Variants in ADCY8 observed in about 807,000 individuals in gnomAD.
The protein encoded by ADCY8 is adenylate cyclase 8, also known as adenylate cyclase type 8.
Under a neutral mutation model 119.7 loss-of-function variants are expected in ADCY8, and 51 were observed. That is an observed-to-expected ratio of 0.43 (90% CI 0.34 to 0.54). ADCY8 has a LOEUF of 0.54. ADCY8 is among the 20% of genes least tolerant of loss of function. The pLI is 0.03. For missense variants in ADCY8, 1,383 were observed against 1,598.8 expected, an observed-to-expected ratio of 0.87 and a Z score of 2.30; for synonymous variants, 665 against 651.0, an observed-to-expected ratio of 1.02 and a Z score of -0.33.
intron 14 of ADCY8, among the ~76,000 whole-genome samples, chr8:130,803,782 TGTGCCTCCTCCAC>T (rs1815856817): frequency 6.6e-6 from 1 of 152,188 alleles, no homozygotes; most frequent in Non-Finnish European, 1.5e-5. Flanking sequence ...CACATGTGAG[TGTGCCTCCTCCAC>T]ATGCATGCCC....
chr8:130,842,307 G>T (rs1817170949), intron 11 of ADCY8, among the ~76,000 whole-genome samples: 1 of 152,006 alleles, frequency 6.6e-6, no homozygotes. Flanking sequence ...TGGATGTATG[G>T]TTTTCAACAA....
At chr8:130,834,568 G>A (rs2130254144) in intron 12 of ADCY8, among the ~76,000 whole-genome samples, 1 of 152,166 alleles carries the variant, frequency 6.6e-6, no homozygotes, top group South Asian at 2.1e-4. Flanking sequence ...GATCAATGAT[G>A]GTAATTAAAG....
intron 12 of ADCY8, among the ~76,000 whole-genome samples, chr8:130,823,855 G>A (rs2130211570): frequency 6.6e-6 from 1 of 152,160 alleles, no homozygotes; most frequent in African/African-American, 2.4e-5. Context: ...TACAAATTTA[G>A]GATTGCATAG....
At chr8:131,009,804 G>A (rs991999292) in intron 1 of ADCY8, among the ~76,000 whole-genome samples, 2 of 152,220 alleles carry the variant, frequency 1.3e-5, no homozygotes, top group Non-Finnish European at 2.9e-5. Context: ...AGGCAAGCAA[G>A]GATGGGGAAA....
chr8:131,031,333 G>A (rs1216478703), intron 1 of ADCY8, among the ~76,000 whole-genome samples: 1 of 152,084 alleles, frequency 6.6e-6, no homozygotes, highest in Non-Finnish European at 1.5e-5. Flanking sequence ...GCTATCCATT[G>A]GTCTTAATTC....
chr8:130,838,716 G>A (rs62518065), intron 11 of ADCY8, among the ~76,000 whole-genome samples: 25,374 of 140,932 alleles, frequency 0.18, 6,612 homozygotes, highest in East Asian at 0.25. Context: ...AATGTAATAA[G>A]CATTTATTGA....
chr8:130,873,926 T>C (rs1818459623), intron 8 of ADCY8, among the ~76,000 whole-genome samples: 1 of 152,182 alleles, frequency 6.6e-6, no homozygotes, highest in African/African-American at 2.4e-5. Context: ...CTGTTCATTT[T>C]GCATTAGTGG....
intron 10 of ADCY8, among the ~76,000 whole-genome samples, chr8:130,848,417 A>G (rs113749596): frequency 5.3e-5 from 8 of 152,250 alleles, no homozygotes; most frequent in Non-Finnish European, 4.4e-5. Context: ...ATCATAATCT[A>G]TAAAATATTC....
intron 9 of ADCY8, among the ~76,000 whole-genome samples, chr8:130,857,313 C>A (rs1817775115): frequency 1.5e-5 from 2 of 132,784 alleles, no homozygotes; most frequent in Admixed American, 8.1e-5. Flanking sequence ...TCTCTGTCAA[C>A]CCCCATTAAT....
intron 7 of ADCY8, 69 bp downstream of exon 7, chr8:130,903,703 G>A (rs893439435): frequency 1.3e-6 from 2 of 1,546,272 alleles, no homozygotes; most frequent in Non-Finnish European, 1.8e-6. Context: ...TTTTCTCTGA[G>A]GTGTCTGGAT....
intron 1 of ADCY8, among the ~76,000 whole-genome samples, chr8:131,014,128 A>AT (rs1011345672): frequency 6.6e-6 from 1 of 152,220 alleles, no homozygotes; most frequent in African/African-American, 2.4e-5. Flanking sequence ...AGTATAGAGA[A>AT]TAGAGTGGCT....
At chr8:130,847,397 C>T (rs755145709) in intron 11 of ADCY8, 27 bp downstream of exon 11, 10 of 1,542,868 alleles carry the variant, frequency 6.5e-6, no homozygotes, top group South Asian at 4.6e-5. Flanking sequence ...GTCCAACTCT[C>T]ACCAAGGGGA....
At chr8:130,790,894 C>T (rs1007424149) in intron 15 of ADCY8, among the ~76,000 whole-genome samples, 1 of 152,192 alleles carries the variant, frequency 6.6e-6, no homozygotes, top group African/African-American at 2.4e-5. Flanking sequence ...TACATCTCTC[C>T]TATTTCCCAA....
At chr8:130,869,327 A>C (rs1818240800) in intron 8 of ADCY8, among the ~76,000 whole-genome samples, 1 of 152,090 alleles carries the variant, frequency 6.6e-6, no homozygotes, top group African/African-American at 2.4e-5. Flanking sequence ...ATTAATAGTT[A>C]CCAATAGTGC....
At chr8:130,880,510 G>A (rs187665799) in intron 8 of ADCY8, among the ~76,000 whole-genome samples, 1 of 152,296 alleles carries the variant, frequency 6.6e-6, no homozygotes, top group African/African-American at 2.4e-5. Context: ...GCTTGCCCAT[G>A]AGATCTGTAA....
intron 7 of ADCY8, among the ~76,000 whole-genome samples, chr8:130,902,799 C>G (rs758107703): frequency 6.6e-6 from 1 of 152,092 alleles, no homozygotes; most frequent in East Asian, 1.9e-4. Context: ...ATGGTACTCT[C>G]AGCTTCTGCT....
chr8:130,945,313 C>T (rs1249034362), intron 3 of ADCY8, among the ~76,000 whole-genome samples: 6 of 152,234 alleles, frequency 3.9e-5, no homozygotes, highest in African/African-American at 1.4e-4. Context: ...TAAGCATGGA[C>T]ATGATGCCAA....
At chr8:130,970,009 C>CT (rs1310315513) in intron 2 of ADCY8, among the ~76,000 whole-genome samples, 2 of 152,180 alleles carry the variant, frequency 1.3e-5, no homozygotes, top group Non-Finnish European at 2.9e-5. Context: ...CTATAGGGTC[C>CT]TTTCTGCAGG....
In ADCY8 at chr8:130,909,622, C is replaced by G. The variant is rs1053558826; in HGVS notation, c.1640+86G>C. On this transcript the variant is annotated intron_variant, in intron 6 of 17. Transcript: ENST00000286355. Reference sequence around the variant, plus strand: ...AAATAATTGCTTCCTAGATCTAACCCTGAATTTCTGTACACAGGAAACCCA... The same window carrying G: ...AAATAATTGCTTCCTAGATCTAACCGTGAATTTCTGTACACAGGAAACCCA... 17 of 1,515,514 alleles carry G rather than the reference C, an allele frequency of 1.1e-5. No individual in the cohort carries two copies. The African/African-American group carries it at 1.5e-4, about 13-fold the overall frequency. 93.9% of individuals were successfully genotyped at this position (1,515,514 alleles called of 1,614,324 possible). A position where few individuals can be genotyped will look rare whatever the true frequency, so the allele number is the denominator to read the frequency against.
Sources: allele counts gnomAD v4.1 joint callset (sites outside exome capture counted in the v4.1 genomes callset), GRCh38; gene constraint gnomAD v4.1.1; transcripts MANE v1.5; gene names NCBI Gene and HGNC (gene_info 2026-07-23, HGNC 2026-07-21).